Variants in TGFBRAP1 observed in about 807,000 individuals in gnomAD.
TGFBRAP1 encodes transforming growth factor beta receptor associated protein 1.
Under a neutral mutation model 83.2 loss-of-function variants are expected in TGFBRAP1, and 20 were observed. That is an observed-to-expected ratio of 0.24 (90% CI 0.17 to 0.35). TGFBRAP1 has a LOEUF of 0.35. TGFBRAP1 is among the 10% of genes least tolerant of loss of function. The pLI, the probability that TGFBRAP1 is intolerant of heterozygous loss-of-function variation, is 1.00. For missense variants in TGFBRAP1, 950 were observed against 1,099.4 expected (o/e 0.86, Z 1.92); for synonymous variants, 415 against 459.8 (o/e 0.90, Z 1.25).
At chr2:105,314,569 G>A (rs1357083743) in intron 1 of TGFBRAP1, among the ~76,000 whole-genome samples, 1 of 151,766 alleles carries the variant, frequency 6.6e-6, no homozygotes, top group Non-Finnish European at 1.5e-5. Context: ...ACTTTCTTAC[G>A]GCAGCCCTAG....
intron 4 of TGFBRAP1, among the ~76,000 whole-genome samples, chr2:105,295,648 TAAAA>T (rs1198137039): frequency 1.3e-5 from 2 of 151,730 alleles, no homozygotes; most frequent in African/African-American, 4.8e-5. Flanking sequence ...CCATCTCTAT[TAAAA>T]ATACAAAAAT....
intron 1 of TGFBRAP1, among the ~76,000 whole-genome samples, chr2:105,320,268 G>A (rs1473150916): frequency 6.6e-6 from 1 of 152,210 alleles, no homozygotes; most frequent in East Asian, 1.9e-4. Flanking sequence ...GGGAGGAACC[G>A]CAAAAACTCA....
intron 4 of TGFBRAP1, among the ~76,000 whole-genome samples, chr2:105,290,573 GAC>G (rs1461389424): frequency 1.3e-5 from 2 of 151,508 alleles, no homozygotes; most frequent in African/African-American, 4.9e-5. Flanking sequence ...ATGAGAGAAA[GAC>G]AGAGAGAGAG....
At chr2:105,319,839 A>G (rs1679003315) in intron 1 of TGFBRAP1, among the ~76,000 whole-genome samples, 1 of 150,304 alleles carries the variant, frequency 6.7e-6, no homozygotes, top group Admixed American at 6.7e-5. Flanking sequence ...ACATATATGT[A>G]TGTGTGTATA....
At chr2:105,316,456 T>C (rs1390163773) in intron 1 of TGFBRAP1, among the ~76,000 whole-genome samples, 138 of 71,694 alleles carry the variant, frequency 1.9e-3, no homozygotes, top group African/African-American at 5.8e-3. Context: ...TGTGTGTGTG[T>C]GTGTGTGCGC....
rs1677065576 is a variant in TGFBRAP1, at chr2:105,269,403, C to T, written c.2275G>A (p.Asp759Asn). The part of the protein sequence containing the change: ...DAAQVLQMLP[D>N]TWSVQLLCPF... ...CAGAGGAGCTGCACTGACCAGGTGTCAGGCAGCATCTGCAGCACCTGGGCT... is the reference window on the plus strand; with the variant it reads ...CAGAGGAGCTGCACTGACCAGGTGTTAGGCAGCATCTGCAGCACCTGGGCT... The change falls in exon 11 of 12, where the codon GAC (aspartate) becomes AAC (asparagine). Residue 759 changes from aspartate to asparagine, a missense_variant. Transcript: ENST00000393359. This position sits in a 1 kb window ranked among gnomAD's most constrained non-coding sequence, Gnocchi z 4.1. The T allele has an allele frequency of 6.2e-7, 1 of 1,614,034 alleles. No individual in the cohort carries two copies. Among genetic ancestry groups the T allele is most frequent in the African/African-American group, 1.3e-5 (1 of 75,042 alleles).
chr2:105,275,735 A>G, intron 7 of TGFBRAP1, 32 bp from the exon 8 acceptor site: 1 of 1,584,038 alleles, frequency 6.3e-7, no homozygotes, highest in Middle Eastern at 1.7e-4. Context: ...AAAAAGAAAA[A>G]GAAAAGAAAA....
chr2:105,309,537 C>T (rs115702171), intron 1 of TGFBRAP1, among the ~76,000 whole-genome samples: 1 of 152,290 alleles, frequency 6.6e-6, no homozygotes, highest in Non-Finnish European at 1.5e-5. Flanking sequence ...AATCAGAGAA[C>T]TTCTTTGGTG....
At chr2:105,320,035 A>T (rs1197983480) in intron 1 of TGFBRAP1, among the ~76,000 whole-genome samples, 1 of 152,162 alleles carries the variant, frequency 6.6e-6, no homozygotes, top group Non-Finnish European at 1.5e-5. Flanking sequence ...GGCATTTATT[A>T]AAATGGGCTC....
At chr2:105,274,369 C>T (rs1457045657) in intron 8 of TGFBRAP1, among the ~76,000 whole-genome samples, 1 of 152,222 alleles carries the variant, frequency 6.6e-6, no homozygotes, top group South Asian at 2.1e-4. Flanking sequence ...TGCACGCACA[C>T]ACGCACCTCC....
At chr2:105,256,856 T>C in the TGFBRAP1 span, among the ~76,000 whole-genome samples, 1 of 152,206 alleles carries the variant, frequency 6.6e-6, no homozygotes, top group Non-Finnish European at 1.5e-5. Flanking sequence ...ATAAAACAGC[T>C]TGCAGTAAAG....
chr2:105,250,149 C>A, the TGFBRAP1 span, among the ~76,000 whole-genome samples: 1 of 152,180 alleles, frequency 6.6e-6, no homozygotes, highest in African/African-American at 2.4e-5. Flanking sequence ...GCAGCACAGA[C>A]TTCTCTTAGT....
chr2:105,297,010 T>C (rs1279319734), intron 3 of TGFBRAP1, among the ~76,000 whole-genome samples: 1 of 151,968 alleles, frequency 6.6e-6, no homozygotes, highest in Non-Finnish European at 1.5e-5. Flanking sequence ...ACCTCCAAAG[T>C]CTTGCCATTA....
chr2:105,296,534 G>A, intron 3 of TGFBRAP1, 24 bp from the exon 4 acceptor site: 1 of 1,593,204 alleles, frequency 6.3e-7, no homozygotes, highest in Non-Finnish European at 8.5e-7. Context: ...CAGCATTGTT[G>A]GAAAGAGAAA....
chr2:105,317,392 G>A (rs900421374), intron 1 of TGFBRAP1, among the ~76,000 whole-genome samples: 7 of 150,704 alleles, frequency 4.6e-5, no homozygotes, highest in African/African-American at 1.5e-4. Flanking sequence ...AGCCAAGATC[G>A]TGCCACTGCA....
At chr2:105,283,334 T>A (rs1425326037) in intron 5 of TGFBRAP1, among the ~76,000 whole-genome samples, 1 of 152,198 alleles carries the variant, frequency 6.6e-6, no homozygotes, top group Non-Finnish European at 1.5e-5. Flanking sequence ...TCTTCAAATA[T>A]CCAGCATAGA....
chr2:105,268,070 G>A (rs1449384191), intron 11 of TGFBRAP1, among the ~76,000 whole-genome samples: 2 of 152,244 alleles, frequency 1.3e-5, no homozygotes, highest in East Asian at 1.9e-4. Flanking sequence ...TGGTGAAACT[G>A]AGTCTTAATG....
intron 7 of TGFBRAP1, among the ~76,000 whole-genome samples, 154 bp downstream of exon 7, chr2:105,277,460 C>T (rs1263598221): frequency 6.6e-6 from 1 of 152,184 alleles, no homozygotes; most frequent in African/African-American, 2.4e-5. Flanking sequence ...TCCAGGAATT[C>T]ACTTTCTAAA....
At chr2:105,251,022 T>C in the TGFBRAP1 span, among the ~76,000 whole-genome samples, 6 of 152,224 alleles carry the variant, frequency 3.9e-5, no homozygotes, top group African/African-American at 9.6e-5. Context: ...ACCTCCCAGC[T>C]GCCTGCCTTG....
Sources: allele counts gnomAD v4.1 joint callset (sites outside exome capture counted in the v4.1 genomes callset), GRCh38; gene constraint gnomAD v4.1.1; non-coding constraint Gnocchi (gnomAD v3.1); transcripts MANE v1.5; gene names NCBI Gene and HGNC (gene_info 2026-07-23, HGNC 2026-07-21).